The following UBA6 variants were observed in gnomAD, a reference collection of about 807,000 sequenced individuals.
UBA6 encodes the protein ubiquitin like modifier activating enzyme 6.
In UBA6, 87 loss-of-function variants were observed where a neutral mutation model predicts 148.3. That is an observed-to-expected ratio of 0.59 (90% CI 0.49 to 0.70). The LOEUF (loss-of-function observed/expected upper bound fraction) is 0.70, where lower values mean the gene tolerates loss of function less well. Among genes scored for constraint, UBA6 ranks in the 30% least tolerant of loss-of-function variants. The probability of loss-of-function intolerance (pLI) is 0.00; values close to 1 mark genes in which losing one functional copy is unlikely to be tolerated. For synonymous variants in UBA6, 376 were observed against 401.0 expected, an observed-to-expected ratio of 0.94 and a Z score of 0.75; for missense variants, 1,186 against 1,241.2, an observed-to-expected ratio of 0.96 and a Z score of 0.67.
At chr4:67,680,997 T>C (rs1035302287) in intron 4 of UBA6, among the ~76,000 whole-genome samples, 1 of 152,172 alleles carries the variant, frequency 6.6e-6, no homozygotes, top group Non-Finnish European at 1.5e-5. Flanking sequence ...TCAAGATGAC[T>C]GCAGGCCCTG....
rs1234972239 is a variant in UBA6, at chr4:67,618,787, T to C, written c.*210A>G. 1.4e-5 allele frequency: 6 copies of C among 434,064 alleles called. No homozygotes were observed. The highest frequency in any genetic ancestry group is 4.1e-5 in the African/African-American group (2 of 49,174). 26.9% of individuals were successfully genotyped at this position (434,064 alleles called of 1,614,324 possible). A position where few individuals can be genotyped will look rare whatever the true frequency, so the allele number is the denominator to read the frequency against. ...TCCAGTTCAAAGTTGCTTGTGATCATAGCCACGTGTGAACCGTTAGACAAG... is the reference window on the plus strand; with the variant it reads ...TCCAGTTCAAAGTTGCTTGTGATCACAGCCACGTGTGAACCGTTAGACAAG... On this transcript the variant is annotated 3_prime_UTR_variant, in exon 33 of 33. Coordinates refer to ENST00000322244, the MANE Select transcript of UBA6 (RefSeq NM_018227.6).
At chr4:67,684,442 T>C (rs1730512036) in intron 2 of UBA6, among the ~76,000 whole-genome samples, 1 of 152,224 alleles carries the variant, frequency 6.6e-6, no homozygotes, top group African/African-American at 2.4e-5. Flanking sequence ...TTTTTATGTG[T>C]TAATCCAAAG....
At chr4:67,677,261 C>T (rs1463337834) in intron 6 of UBA6, among the ~76,000 whole-genome samples, 2 of 152,088 alleles carry the variant, frequency 1.3e-5, no homozygotes, top group Non-Finnish European at 2.9e-5. Context: ...TGGGGGAGAA[C>T]CCAAACTCTG....
At chr4:67,672,305 A>C (rs1279397977) in intron 7 of UBA6, among the ~76,000 whole-genome samples, 1 of 152,242 alleles carries the variant, frequency 6.6e-6, no homozygotes, top group Non-Finnish European at 1.5e-5. Flanking sequence ...TTCCATTGTC[A>C]GAGCAAGGAT....
rs1553908328 is a variant in UBA6, at chr4:67,665,419, T to TTTTTG, written c.794-128_794-127insCAAAA. The TTTTTG allele has an allele frequency of 5.0e-4, 266 of 537,148 alleles. 4 individuals carry two copies. Among genetic ancestry groups the TTTTTG allele is most frequent in the Non-Finnish European group, 5.9e-4 (188 of 320,400 alleles). 33.3% of individuals were successfully genotyped at this position (537,148 alleles called of 1,614,324 possible). On this transcript the variant is annotated intron_variant, in intron 9 of 32. Transcript: ENST00000322244. The stretch of plus-strand genomic sequence containing the variant: ...TAAAGAATTCCAGCATAGTGTTTTT[T>TTTTTG]TTTGTTTGTTTGTTTTTTTTTTTTT...
intron 13 of UBA6, among the ~76,000 whole-genome samples, chr4:67,652,540 T>C (rs1388220619): frequency 2.0e-5 from 3 of 152,134 alleles, no homozygotes; most frequent in Non-Finnish European, 4.4e-5. Context: ...TCTTATAAAA[T>C]TAAACATGGT....
At chr4:67,680,518 C>A (rs1044147191) in intron 4 of UBA6, among the ~76,000 whole-genome samples, 12 of 152,110 alleles carry the variant, frequency 7.9e-5, no homozygotes, top group Non-Finnish European at 1.2e-4. Context: ...TTAAAATAAA[C>A]CAAGTTCAGT....
chr4:67,644,511 A>T (rs1729375651), intron 17 of UBA6, among the ~76,000 whole-genome samples, 187 bp downstream of exon 17: 1 of 152,204 alleles, frequency 6.6e-6, no homozygotes, highest in Non-Finnish European at 1.5e-5. Context: ...CAAGGGGAAG[A>T]GAAGTAATTT....
chr4:67,695,031 GGAA>G (rs1730799591), intron 2 of UBA6, among the ~76,000 whole-genome samples: 2 of 152,156 alleles, frequency 1.3e-5, no homozygotes, highest in African/African-American at 4.8e-5. Flanking sequence ...CATTGTAAAT[GGAA>G]AGTTTAGTCA....
At chr4:67,687,850 C>T (rs150356201) in intron 2 of UBA6, among the ~76,000 whole-genome samples, 77 of 152,146 alleles carry the variant, frequency 5.1e-4, no homozygotes, top group African/African-American at 1.7e-3. Flanking sequence ...ACCCACATGA[C>T]GCAAGTTTAC....
chr4:67,623,767 AT>A (rs1560476477), intron 30 of UBA6, among the ~76,000 whole-genome samples: 1 of 152,084 alleles, frequency 6.6e-6, no homozygotes, highest in Non-Finnish European at 1.5e-5. Context: ...GTTGTTGCCA[AT>A]CTGAAAACTA....
chr4:67,665,329 G>T, intron 9 of UBA6, 37 bp from the exon 10 acceptor site: 2 of 1,225,142 alleles, frequency 1.6e-6, no homozygotes, highest in South Asian at 1.4e-5. Flanking sequence ...ATTACACAGG[G>T]ATATAGATAT....
At chr4:67,641,098 A>G in intron 18 of UBA6, 53 bp downstream of exon 18, 1 of 1,110,808 alleles carries the variant, frequency 9.0e-7, no homozygotes, top group Non-Finnish European at 1.3e-6. Flanking sequence ...ATTAAAAGGA[A>G]ACTCTTTTTT....
At chr4:67,625,384 A>AT (rs915690108) in intron 28 of UBA6, among the ~76,000 whole-genome samples, 197 bp from the exon 29 acceptor site, 4 of 147,660 alleles carry the variant, frequency 2.7e-5, no homozygotes, top group East Asian at 2.0e-4. Context: ...AAGAGAGCCA[A>AT]TTTTTTTTAA....
chr4:67,646,020 A>G lies in UBA6; in HGVS notation c.1317-4T>C. 6.5e-7 allele frequency: 1 copy of G among 1,542,978 alleles called. No individual in the cohort carries two copies. Among genetic ancestry groups the G allele is most frequent in the Non-Finnish European group, 8.8e-7 (1 of 1,139,806 alleles). On this transcript the variant is annotated splice_polypyrimidine_tract_variant and splice_region_variant and intron_variant, in intron 15 of 32. Coordinates refer to ENST00000322244, the MANE Select transcript of UBA6 (RefSeq NM_018227.6). ...TAAGGCATCATATCTATCTCCTCTG[A>G]AAAAAATAACATATACCAAAAAGCA...
chr4:67,655,630 C>G (rs994574295), intron 13 of UBA6, among the ~76,000 whole-genome samples: 3 of 152,102 alleles, frequency 2.0e-5, no homozygotes, highest in African/African-American at 7.2e-5. Flanking sequence ...ATTAAAAGAA[C>G]TAGAGAAGCA....
chr4:67,639,175 C>A, intron 18 of UBA6, 51 bp from the exon 19 acceptor site: 14 of 1,425,664 alleles, frequency 9.8e-6, no homozygotes, highest in Non-Finnish European at 1.3e-5. Flanking sequence ...AAAAAAAGGA[C>A]TATGATTTTT....
At chr4:67,646,286 G>C (rs567165016) in intron 15 of UBA6, among the ~76,000 whole-genome samples, 2 of 152,222 alleles carry the variant, frequency 1.3e-5, no homozygotes, top group South Asian at 4.1e-4. Flanking sequence ...GATTTTTAAG[G>C]AAAGTTCTTA....
At chr4:67,678,201 T>G (rs916053218) in intron 5 of UBA6, among the ~76,000 whole-genome samples, 1 of 136,814 alleles carries the variant, frequency 7.3e-6, no homozygotes, top group Admixed American at 7.2e-5. Flanking sequence ...TTAGCCACAG[T>G]AGTAGGAATT....
Sources: gnomAD v4.1 joint callset for allele counts (sites outside exome capture counted in the v4.1 genomes callset) on GRCh38, gnomAD v4.1.1 for gene constraint, MANE v1.5 for transcripts, NCBI Gene and HGNC (gene_info 2026-07-23, HGNC 2026-07-21) for gene names.